The following FAM13A variants were observed in gnomAD, a reference collection of about 807,000 sequenced individuals.
The protein encoded by FAM13A is family with sequence similarity 13 member A.
Under a neutral mutation model 129.6 loss-of-function variants are expected in FAM13A, and 76 were observed. The ratio of observed to expected loss-of-function variants is 0.59; its 90% confidence interval spans 0.49 to 0.71. FAM13A has a LOEUF of 0.71. Among genes scored for constraint, FAM13A ranks in the 30% least tolerant of loss-of-function variants. FAM13A has a pLI of 0.00. For synonymous variants in FAM13A, 443 were observed against 449.9 expected (o/e 0.98, Z 0.20); for missense variants, 1,108 against 1,249.3 (o/e 0.89, Z 1.70).
intron 8 of FAM13A, among the ~76,000 whole-genome samples, chr4:88,792,933 G>C (rs934747030): frequency 1.3e-5 from 2 of 151,994 alleles, no homozygotes; most frequent in African/African-American, 4.8e-5. Context: ...AACAAGATGA[G>C]GTTCTGAGAT....
At chr4:88,823,409 T>G in intron 7 of FAM13A, 2 of 830,772 alleles carry the variant, frequency 2.4e-6, no homozygotes, top group South Asian at 9.1e-5. Context: ...CTCCTGCTCC[T>G]GCTCCTCAGT....
intron 5 of FAM13A, among the ~76,000 whole-genome samples, chr4:88,918,977 C>T (rs529542368): frequency 3.2e-4 from 49 of 152,346 alleles, no homozygotes; most frequent in African/African-American, 9.4e-4. Flanking sequence ...CTCCTCAACC[C>T]ACTGTACTGC....
At chr4:88,887,822 CG>C (rs1333881941) in intron 6 of FAM13A, among the ~76,000 whole-genome samples, 1 of 152,056 alleles carries the variant, frequency 6.6e-6, no homozygotes, top group East Asian at 1.9e-4. Context: ...CGTGAGCCAC[CG>C]TGCCTGGTCC....
At position 88,811,831 on chromosome 4, in the gene FAM13A, T is replaced by C. The variant is rs540721581; in HGVS notation, c.1008-6779A>G. 1.9e-4 allele frequency among the ~76,000 whole-genome samples: 29 copies of C among 152,314 alleles called. 1 individual carries two copies. In the South Asian group the frequency reaches 4.3e-3, roughly 23 times the overall value. ...TCCTTAACGACTTTTATCCCTGCTA[T>C]AGTTTAAATGTGTCTCCCAAAGTTT... On this transcript the variant is annotated intron_variant, in intron 7 of 23. Coordinates refer to ENST00000264344, the MANE Select transcript of FAM13A (RefSeq NM_014883.4).
intron 1 of FAM13A, among the ~76,000 whole-genome samples, chr4:89,039,735 T>C (rs1421669894): frequency 6.6e-6 from 1 of 151,308 alleles, no homozygotes; most frequent in African/African-American, 2.4e-5. Flanking sequence ...AAAAAAGGGG[T>C]GAGAGTTGTT....
chr4:88,777,458 G>GT (rs1721994814), intron 11 of FAM13A, among the ~76,000 whole-genome samples: 1 of 152,134 alleles, frequency 6.6e-6, no homozygotes, highest in Admixed American at 6.5e-5. Flanking sequence ...TGAGCTTGGG[G>GT]TTTAAGGAAA....
chr4:89,000,701 G>A (rs180757468), intron 3 of FAM13A, among the ~76,000 whole-genome samples: 369 of 152,282 alleles, frequency 2.4e-3, no homozygotes, highest in Non-Finnish European at 4.4e-3. Flanking sequence ...CAATAAAGCT[G>A]TTATAAAGAA....
Position 88,995,561 on chromosome 4 carries a change from T to TA in FAM13A, c.428-4412dup, listed in dbSNP as rs1763440068. Among the ~76,000 whole-genome samples the TA allele has an allele frequency of 2.0e-5, 3 of 152,174 alleles. 1 individual carries two copies. In the South Asian group the frequency reaches 6.2e-4, roughly 32 times the overall value. ...TCTTCAGCTTCTGGACCCTTGGTCTTACACCAGACCCACTCTTGGACCCTT... is the reference window on the plus strand; with the variant it reads ...TCTTCAGCTTCTGGACCCTTGGTCTTAACACCAGACCCACTCTTGGACCCTT... On this transcript the variant is annotated intron_variant, in intron 3 of 23. Coordinates refer to ENST00000264344, the MANE Select transcript of FAM13A (RefSeq NM_014883.4).
At chr4:88,981,048 A>T (rs1386187580) in intron 4 of FAM13A, among the ~76,000 whole-genome samples, 1 of 152,214 alleles carries the variant, frequency 6.6e-6, no homozygotes. Flanking sequence ...AAACTGATTT[A>T]TCTTTGAAAG....
intron 5 of FAM13A, among the ~76,000 whole-genome samples, chr4:88,925,128 A>C (rs1338428366): frequency 6.6e-6 from 1 of 151,810 alleles, no homozygotes; most frequent in Non-Finnish European, 1.5e-5. Context: ...TAGTTCAACC[A>C]TTGTGGAAGT....
chr4:88,929,263 G>C (rs1011605735), intron 5 of FAM13A, among the ~76,000 whole-genome samples: 3 of 151,922 alleles, frequency 2.0e-5, no homozygotes, highest in African/African-American at 7.3e-5. Flanking sequence ...TCCGATATTA[G>C]ACTGAAGGGG....
At chr4:88,950,207 G>T (rs1756708716) in intron 4 of FAM13A, among the ~76,000 whole-genome samples, 1 of 98,190 alleles carries the variant, frequency 1.0e-5, no homozygotes, top group Non-Finnish European at 2.1e-5. Context: ...TAAAAATCAG[G>T]CTTTTTTTTT....
intron 6 of FAM13A, among the ~76,000 whole-genome samples, chr4:88,854,652 C>T (rs1738189532): frequency 6.6e-6 from 1 of 152,198 alleles, no homozygotes; most frequent in Non-Finnish European, 1.5e-5. Context: ...CTGCCACTGG[C>T]TATTTGAGAT....
intron 5 of FAM13A, among the ~76,000 whole-genome samples, chr4:88,921,492 A>T: frequency 6.6e-6 from 1 of 152,190 alleles, no homozygotes; most frequent in Non-Finnish European, 1.5e-5. Flanking sequence ...TTTACAGACA[A>T]GCAAATGTTG....
chr4:89,052,008 C>A (rs1481729972), intron 1 of FAM13A, among the ~76,000 whole-genome samples: 1 of 152,130 alleles, frequency 6.6e-6, no homozygotes, highest in Non-Finnish European at 1.5e-5. Flanking sequence ...CACACTGTGG[C>A]TCCGTGAAAT....
intron 5 of FAM13A, among the ~76,000 whole-genome samples, chr4:88,913,176 AAGAAGT>A (rs1207485554): frequency 7.6e-5 from 11 of 145,008 alleles, no homozygotes; most frequent in Admixed American, 4.1e-4. Context: ...GAAGAAGAGG[AAGAAGT>A]GGAGGAGGAA....
At chr4:89,009,160 GTAAAA>G (rs1335039002) in intron 3 of FAM13A, 2 of 152,124 alleles carry the variant, frequency 1.3e-5, no homozygotes, top group East Asian at 1.9e-4. Flanking sequence ...AGATCCTACT[GTAAAA>G]TTAAATTAAT....
Position 88,728,607 on chromosome 4 carries a change from T to G in FAM13A, c.2998A>C (p.Lys1000Gln), listed in dbSNP as rs1456636786. The G allele has an allele frequency of 6.8e-6, 11 of 1,614,202 alleles. No individual in the cohort carries two copies. Among genetic ancestry groups the G allele is most frequent in the Non-Finnish European group, 8.5e-6 (10 of 1,180,002 alleles). ...TPMAEEYSEYKHIKAKLRLLE... is the reference protein window; with the variant it reads ...TPMAEEYSEYQHIKAKLRLLE... ...AGCCTCAGTTTCGCCTTTATGTGCTTATATTCACTGTATTCTTCAGCCATA... is the reference window on the plus strand; with the variant it reads ...AGCCTCAGTTTCGCCTTTATGTGCTGATATTCACTGTATTCTTCAGCCATA... Residue 1000 changes from lysine to glutamine, a missense_variant, in exon 24 of 24, where the codon AAG (lysine) becomes CAG (glutamine). Transcript: ENST00000264344.
At chr4:88,759,262 G>C (rs1476587106) in intron 13 of FAM13A, 1 of 178,322 alleles carries the variant, frequency 5.6e-6, no homozygotes, top group East Asian at 1.4e-4. Context: ...CCGGGCTACT[G>C]CTGTTGCTAA....
Sources: gnomAD v4.1 joint callset for allele counts (sites outside exome capture counted in the v4.1 genomes callset) on GRCh38, gnomAD v4.1.1 for gene constraint, MANE v1.5 for transcripts, NCBI Gene and HGNC (gene_info 2026-07-23, HGNC 2026-07-21) for gene names.